ARFGEF1: variants seen among roughly 807,000 people sequenced by gnomAD.
ARFGEF1 encodes ARF guanine nucleotide exchange factor 1.
ARFGEF1 carries 42 observed loss-of-function variants against 231.0 expected under a neutral mutation model. That is an observed-to-expected ratio of 0.18 (90% CI 0.14 to 0.24). The LOEUF is 0.24. Ranked by LOEUF, ARFGEF1 falls within the 10% of genes least tolerant of loss-of-function variation. The pLI, the probability that ARFGEF1 is intolerant of heterozygous loss-of-function variation, is 1.00. For synonymous variants in ARFGEF1, 710 were observed against 732.3 expected, an observed-to-expected ratio of 0.97 and a Z score of 0.49; for missense variants, 1,345 against 2,192.0, an observed-to-expected ratio of 0.61 and a Z score of 7.72.
chr8:67,187,514 T>G (rs1835002244), intron 5 of ARFGEF1, among the ~76,000 whole-genome samples: 1 of 151,938 alleles, frequency 6.6e-6, no homozygotes, highest in South Asian at 2.1e-4. Context: ...ACACCTTGTC[T>G]CTACAAAAAA....
At chr8:67,240,390 A>G in intron 19 of ARFGEF1, 100 bp from the exon 20 acceptor site, 1 of 1,143,516 alleles carries the variant, frequency 8.7e-7, no homozygotes, top group Non-Finnish European at 1.2e-6. Flanking sequence ...AAAGAAATGA[A>G]ATTCTTGGCA....
intron 34 of ARFGEF1, among the ~76,000 whole-genome samples, chr8:67,208,013 A>C (rs985508096): frequency 7.2e-5 from 11 of 152,180 alleles, no homozygotes. Flanking sequence ...TCACAAAGCT[A>C]AGTGTGTTTA....
At chr8:67,286,298 GTGTTCAC>G (rs530485848) in intron 7 of ARFGEF1, among the ~76,000 whole-genome samples, 1 of 152,176 alleles carries the variant, frequency 6.6e-6, no homozygotes, top group Non-Finnish European at 1.5e-5. Context: ...GGACACACAG[GTGTTCAC>G]TGTTCCTTTT....
intron 6 of ARFGEF1, among the ~76,000 whole-genome samples, chr8:67,290,577 A>G (rs1765115151): frequency 6.6e-6 from 1 of 152,206 alleles, no homozygotes; most frequent in Non-Finnish European, 1.5e-5. Context: ...CTGTATCTCC[A>G]TCATCTTTTT....
chr8:67,195,123 G>C (rs957655203), downstream of ARFGEF1, among the ~76,000 whole-genome samples: 6 of 152,102 alleles, frequency 3.9e-5, no homozygotes, highest in African/African-American at 1.4e-4. Context: ...GAATCCCTCT[G>C]GTTGCTAGTG....
rs1840468785 is a variant in ARFGEF1, at chr8:67,256,806, AAG to A, written c.2526+924_2526+925del. On this transcript the variant is annotated intron_variant, in intron 17 of 38. Coordinates refer to ENST00000262215, the MANE Select transcript of ARFGEF1 (RefSeq NM_006421.5). The stretch of plus-strand genomic sequence containing the variant: ...AGTAAATATGAATTTCATGAGGCAA[AAG>A]AACATTTCTAGATATCAGGTATTTT... Among the ~76,000 whole-genome samples, 4 of 152,228 alleles carry A rather than the reference AAG, an allele frequency of 2.6e-5. No homozygotes were observed. In the South Asian group the frequency reaches 8.3e-4, roughly 32 times the overall value.
At chr8:67,207,778 T>C (rs1838574353) in intron 34 of ARFGEF1, among the ~76,000 whole-genome samples, 1 of 152,206 alleles carries the variant, frequency 6.6e-6, no homozygotes, top group Non-Finnish European at 1.5e-5. Context: ...AGAGGGCTCA[T>C]GGGAGCAGGG....
chr8:67,262,568 C>G (rs1804680318), intron 14 of ARFGEF1, among the ~76,000 whole-genome samples: 1 of 152,146 alleles, frequency 6.6e-6, no homozygotes, highest in South Asian at 2.1e-4. Context: ...TAAATACTAT[C>G]AAACAGCATT....
At chr8:67,232,354 T>C (rs1183708603) in intron 23 of ARFGEF1, among the ~76,000 whole-genome samples, 1 of 152,044 alleles carries the variant, frequency 6.6e-6, no homozygotes, top group Non-Finnish European at 1.5e-5. Context: ...AAGCATACCA[T>C]GGGTTTTCTT....
intron 19 of ARFGEF1, among the ~76,000 whole-genome samples, chr8:67,246,318 T>A (rs1467880639): frequency 6.6e-6 from 1 of 150,598 alleles, no homozygotes; most frequent in East Asian, 1.9e-4. Context: ...CACATTCTTT[T>A]CCTCAGCACA....
At chr8:67,190,816 C>T in intron 5 of ARFGEF1, 1 of 1,239,096 alleles carries the variant, frequency 8.1e-7, no homozygotes, top group South Asian at 1.2e-5. Flanking sequence ...GGTCTGGGTT[C>T]TGACCTGTGC....
intron 1 of ARFGEF1, among the ~76,000 whole-genome samples, chr8:67,315,325 TC>T (rs1341147745): frequency 6.6e-6 from 1 of 151,928 alleles, no homozygotes; most frequent in East Asian, 1.9e-4. Flanking sequence ...GAAGTAAACA[TC>T]CCTCTTACAA....
chr8:67,266,787 T>C (rs1384104764), intron 13 of ARFGEF1, 89 bp downstream of exon 13: 1 of 878,248 alleles, frequency 1.1e-6, no homozygotes, highest in Non-Finnish European at 1.7e-6. Flanking sequence ...AAATATGTCA[T>C]GAAATTGGTT....
intron 14 of ARFGEF1, among the ~76,000 whole-genome samples, chr8:67,261,137 A>G (rs1314917947): frequency 6.6e-6 from 1 of 152,156 alleles, no homozygotes; most frequent in Non-Finnish European, 1.5e-5. Context: ...CTGATGGAGA[A>G]GCTGCAGCAA....
intron 29 of ARFGEF1, among the ~76,000 whole-genome samples, chr8:67,222,226 T>TACACACAC: frequency 1.4e-5 from 1 of 73,918 alleles, no homozygotes; most frequent in African/African-American, 5.6e-5. Context: ...TATATATATG[T>TACACACAC]ATATGTATGT....
chr8:67,198,793 T>C lies in ARFGEF1; in HGVS notation c.*141A>G. On this transcript the variant is annotated 3_prime_UTR_variant, in exon 39 of 39. Coordinates refer to ENST00000262215, the MANE Select transcript of ARFGEF1 (RefSeq NM_006421.5). ...AAAAGGGACTGGAGTGTTGCAAGTTTGAGTAAGACTTCTAAGCATCTTTAC... is the reference window on the plus strand; with the variant it reads ...AAAAGGGACTGGAGTGTTGCAAGTTCGAGTAAGACTTCTAAGCATCTTTAC... The C allele has an allele frequency of 6.9e-7, 1 of 1,444,720 alleles. No individual in the cohort carries two copies. The highest frequency in any genetic ancestry group is 9.1e-7 in the Non-Finnish European group (1 of 1,103,214). 89.5% of individuals were successfully genotyped at this position (1,444,720 alleles called of 1,614,324 possible). A position where few individuals can be genotyped will look rare whatever the true frequency, so the allele number is the denominator to read the frequency against.
At chr8:67,333,442 A>G (rs986807333) in intron 1 of ARFGEF1, among the ~76,000 whole-genome samples, 1 of 151,278 alleles carries the variant, frequency 6.6e-6, no homozygotes, top group Non-Finnish European at 1.5e-5. Flanking sequence ...CATCCTCCCA[A>G]GTAGCTTGTG....
At chr8:67,176,652 A>C (rs1831716035) in intron 5 of ARFGEF1, among the ~76,000 whole-genome samples, 1 of 152,154 alleles carries the variant, frequency 6.6e-6, no homozygotes, top group Admixed American at 6.5e-5. Context: ...TTGGCAGCTT[A>C]GACTGATTAG....
chr8:67,179,995 G>A, intron 5 of ARFGEF1: 1 of 822,890 alleles, frequency 1.2e-6, no homozygotes, highest in South Asian at 1.6e-5. Context: ...TTAAAAACCA[G>A]TACTGTATTC....
Sources: allele counts gnomAD v4.1 joint callset (sites outside exome capture counted in the v4.1 genomes callset), GRCh38; gene constraint gnomAD v4.1.1; transcripts MANE v1.5; gene names NCBI Gene and HGNC (gene_info 2026-07-23, HGNC 2026-07-21).